Variants in CTNNA2 observed in about 807,000 individuals in gnomAD.
CTNNA2 encodes the protein catenin alpha 2, also known as catenin alpha-2.
Under a neutral mutation model 101.0 loss-of-function variants are expected in CTNNA2, and 42 were observed. That is an observed-to-expected ratio of 0.42 (90% CI 0.32 to 0.54). The LOEUF (loss-of-function observed/expected upper bound fraction) is 0.54. CTNNA2 is among the 20% of genes least tolerant of loss of function. The pLI, the probability that CTNNA2 is intolerant of heterozygous loss-of-function variation, is 0.14. For missense variants in CTNNA2, 871 were observed against 1,223.1 expected (o/e 0.71, Z 4.29); for synonymous variants, 450 against 456.4 (o/e 0.99, Z 0.18).
intron 8 of CTNNA2, among the ~76,000 whole-genome samples, chr2:80,408,219 C>G (rs568082068): frequency 6.6e-6 from 1 of 152,090 alleles, no homozygotes; most frequent in Non-Finnish European, 1.5e-5. Context: ...CTTCTAAGAC[C>G]CACAGGACTT....
At chr2:80,075,598 A>ATTTTAT (rs1558783298) in intron 7 of CTNNA2, among the ~76,000 whole-genome samples, 1 of 74,004 alleles carries the variant, frequency 1.4e-5, no homozygotes, top group Non-Finnish European at 3.0e-5. Context: ...GTATAAATAT[A>ATTTTAT]AATATTTATA....
chr2:79,772,718 A>G (rs889131951), intron 3 of CTNNA2, among the ~76,000 whole-genome samples: 2 of 152,030 alleles, frequency 1.3e-5, no homozygotes, highest in African/African-American at 4.8e-5. Context: ...ACCACAGGCC[A>G]CCTTACCTGG....
chr2:80,316,905 G>A (rs1430424248), intron 7 of CTNNA2, among the ~76,000 whole-genome samples: 1 of 152,142 alleles, frequency 6.6e-6, no homozygotes, highest in Non-Finnish European at 1.5e-5. Context: ...TTTAGGTACT[G>A]ATAAAGGGAA....
chr2:79,704,844 T>C (rs1685250260), intron 2 of CTNNA2, among the ~76,000 whole-genome samples: 1 of 152,102 alleles, frequency 6.6e-6, no homozygotes, highest in Non-Finnish European at 1.5e-5. Context: ...GTGCCCTCTC[T>C]ACCCCTTTCA....
At chr2:79,291,742 A>C (rs1424318358) in intron 2 of CTNNA2, among the ~76,000 whole-genome samples, 1 of 152,234 alleles carries the variant, frequency 6.6e-6, no homozygotes, top group Non-Finnish European at 1.5e-5. Flanking sequence ...TTATTTGTGA[A>C]TAGTCTCCTC....
intron 3 of CTNNA2, among the ~76,000 whole-genome samples, chr2:79,350,532 A>G (rs1573108661): frequency 1.3e-5 from 2 of 151,928 alleles, no homozygotes; most frequent in South Asian, 4.2e-4. Context: ...ATTCCAATCC[A>G]CCTCTGATGG....
intron 7 of CTNNA2, among the ~76,000 whole-genome samples, chr2:80,164,839 C>A (rs948181597): frequency 1.3e-5 from 2 of 151,286 alleles, no homozygotes; most frequent in African/African-American, 4.8e-5. Context: ...GTTAACAGTT[C>A]TTATTTTCAG....
At chr2:80,560,807 C>A (rs1693517789) in intron 12 of CTNNA2, among the ~76,000 whole-genome samples, 2 of 152,162 alleles carry the variant, frequency 1.3e-5, no homozygotes, top group South Asian at 4.1e-4. Context: ...GTGTAAATGA[C>A]TGCTTACAAC....
intron 7 of CTNNA2, among the ~76,000 whole-genome samples, chr2:80,099,560 TG>T (rs2148838017): frequency 6.6e-6 from 1 of 152,238 alleles, no homozygotes; most frequent in East Asian, 1.9e-4. Flanking sequence ...TTTAAATGAC[TG>T]GTATGTAGGC....
intron 7 of CTNNA2, among the ~76,000 whole-genome samples, chr2:80,305,782 A>G (rs534364350): frequency 9.9e-4 from 150 of 152,186 alleles, no homozygotes; most frequent in South Asian, 1.5e-3. Flanking sequence ...CTGTTTAAAC[A>G]AAGTCCTCCA....
At chr2:79,800,107 C>T (rs1028088134) in intron 3 of CTNNA2, among the ~76,000 whole-genome samples, 6 of 152,098 alleles carry the variant, frequency 3.9e-5, no homozygotes, top group African/African-American at 1.4e-4. Flanking sequence ...TTGCTAAAAG[C>T]TATAATTTTG....
At chr2:79,611,182 A>T (rs10205737) in intron 1 of CTNNA2, among the ~76,000 whole-genome samples, 2,025 of 152,298 alleles carry the variant, frequency 0.013, 76 homozygotes, top group East Asian at 0.12. Context: ...CTTTGGAAGG[A>T]GGAAGAAAAG....
chr2:80,341,302 A>C (rs1672219905), intron 7 of CTNNA2, among the ~76,000 whole-genome samples: 1 of 152,184 alleles, frequency 6.6e-6, no homozygotes, highest in Admixed American at 6.5e-5. Flanking sequence ...TCTTTTTGGC[A>C]AACAGCCCCC....
At chr2:80,421,123 A>G (rs1368079796) in intron 9 of CTNNA2, among the ~76,000 whole-genome samples, 1 of 152,154 alleles carries the variant, frequency 6.6e-6, no homozygotes, top group African/African-American at 2.4e-5. Context: ...GGAGGAGGAT[A>G]TGGGTACAGA....
chr2:79,728,487 A>G (rs1287963341), intron 2 of CTNNA2, among the ~76,000 whole-genome samples: 3 of 152,134 alleles, frequency 2.0e-5, no homozygotes, highest in Non-Finnish European at 4.4e-5. Flanking sequence ...CCTTTGTCAG[A>G]TGAGTAGATT....
At chr2:79,529,973 C>T (rs1465043722) in intron 1 of CTNNA2, among the ~76,000 whole-genome samples, 1 of 151,944 alleles carries the variant, frequency 6.6e-6, no homozygotes, top group Non-Finnish European at 1.5e-5. Context: ...GCAGCCTGGT[C>T]TCAGGAGCCA....
Position 79,675,749 on chromosome 2 carries a change from G to A in CTNNA2, c.102+24091G>A, listed in dbSNP as rs537219279. Among the ~76,000 whole-genome samples, 6 of 152,190 alleles carry A rather than the reference G, an allele frequency of 3.9e-5. No homozygotes were observed. In the East Asian group the frequency reaches 5.8e-4, roughly 15 times the overall value. ...ATCTTTAGGGCCTAGAACAGTGCTC[G>A]GCATGTAGTAGTTACTGAATAAGAA... On this transcript the variant is annotated intron_variant, in intron 2 of 18. Coordinates refer to ENST00000402739, the MANE Select transcript of CTNNA2 (RefSeq NM_001282597.3).
At chr2:79,772,586 T>C (rs1389255636) in intron 3 of CTNNA2, among the ~76,000 whole-genome samples, 1 of 152,188 alleles carries the variant, frequency 6.6e-6, no homozygotes, top group African/African-American at 2.4e-5. Flanking sequence ...GGAATATTTA[T>C]TTTAAGAGAC....
At chr2:79,291,941 C>T (rs558447014) in intron 2 of CTNNA2, among the ~76,000 whole-genome samples, 13 of 151,792 alleles carry the variant, frequency 8.6e-5, no homozygotes, top group South Asian at 4.2e-4. Context: ...TTATTAGTAA[C>T]GGGATTGAGG....
Sources: gnomAD v4.1 joint callset for allele counts (sites outside exome capture counted in the v4.1 genomes callset) on GRCh38, gnomAD v4.1.1 for gene constraint, MANE v1.5 for transcripts, NCBI Gene and HGNC (gene_info 2026-07-23, HGNC 2026-07-21) for gene names.